Variants in KIAA0319 observed in about 807,000 individuals in gnomAD.
KIAA0319 encodes dyslexia-associated protein KIAA0319.
KIAA0319 carries 83 observed loss-of-function variants against 108.4 expected under a neutral mutation model. That is an observed-to-expected ratio of 0.77 (90% CI 0.64 to 0.92). The LOEUF (loss-of-function observed/expected upper bound fraction) is 0.92. KIAA0319 is among the 40% of genes least tolerant of loss of function. The pLI is 0.00. For synonymous variants in KIAA0319, 484 were observed against 510.4 expected (o/e 0.95, Z 0.70); for missense variants, 1,195 against 1,322.4 (o/e 0.90, Z 1.49).
At chr6:24,570,141 C>G in intron 11 of KIAA0319, 106 bp from the exon 12 acceptor site, 4 of 1,071,014 alleles carry the variant, frequency 3.7e-6, no homozygotes, top group Non-Finnish European at 5.4e-6. Context: ...ACCAGGCAGC[C>G]ACTAGAGTAT....
At chr6:24,607,620 A>C (rs1771617061) in intron 1 of KIAA0319, among the ~76,000 whole-genome samples, 1 of 152,220 alleles carries the variant, frequency 6.6e-6, no homozygotes, top group Non-Finnish European at 1.5e-5. Context: ...TAACTAACAT[A>C]TGCTTCCTTA....
chr6:24,628,258 T>G (rs1410078746), intron 1 of KIAA0319, among the ~76,000 whole-genome samples: 1 of 152,226 alleles, frequency 6.6e-6, no homozygotes, highest in Non-Finnish European at 1.5e-5. Context: ...GGTATTGTAA[T>G]TTTCCCACCT....
Position 24,566,890 on chromosome 6 carries a change from T to G in KIAA0319, c.2141-142A>C, listed in dbSNP as rs73727986. ...TAAAATATCCAAAAAGGCATTTTTTTCCCCAGATGCATATAAGATACAGAC... is the reference window on the plus strand; with the variant it reads ...TAAAATATCCAAAAAGGCATTTTTTGCCCCAGATGCATATAAGATACAGAC... On this transcript the variant is annotated intron_variant, in intron 13 of 20. Transcript: ENST00000378214. 2.1e-5 allele frequency: 14 copies of G among 655,290 alleles called. No homozygotes were observed. In the African/African-American group the frequency reaches 2.4e-4, roughly 11 times the overall value. 40.6% of individuals were successfully genotyped at this position (655,290 alleles called of 1,614,324 possible).
rs369354729 is a variant in KIAA0319 at position 24,578,167 on chromosome 6, G to A, written c.1448C>T (p.Ser483Leu). Residue 483 changes from serine (S) to leucine (L), a missense_variant, in exon 9 of 21, where the codon TCA becomes TTA. Transcript: ENST00000378214. ...INGPFIEEKT[S>L]VDSPVLRLSN... Reference sequence around the variant, plus strand: ...CAAGCGTAAGACGGGAGAGTCAACTGAAGTCTTCTCTTCTATGAAGGGCCC... The same window carrying A: ...CAAGCGTAAGACGGGAGAGTCAACTAAAGTCTTCTCTTCTATGAAGGGCCC... 6.8e-6 allele frequency: 11 copies of A among 1,612,818 alleles called. No individual in the cohort carries two copies. The highest frequency in any genetic ancestry group is 3.3e-4 in the Middle Eastern group (2 of 6,082).
At chr6:24,565,274 T>C (rs1763737490) in intron 14 of KIAA0319, among the ~76,000 whole-genome samples, 1 of 151,296 alleles carries the variant, frequency 6.6e-6, no homozygotes, top group South Asian at 2.1e-4. Flanking sequence ...GTATAAAGCA[T>C]TTTCAGTTCC....
At chr6:24,565,044 G>A (rs1045895132) in intron 14 of KIAA0319, among the ~76,000 whole-genome samples, 1 of 151,744 alleles carries the variant, frequency 6.6e-6, no homozygotes, top group Non-Finnish European at 1.5e-5. Context: ...TCAGGAGATC[G>A]AGAACATCCT....
chr6:24,618,627 C>A (rs796565124), intron 1 of KIAA0319, among the ~76,000 whole-genome samples: 8 of 151,768 alleles, frequency 5.3e-5, no homozygotes, highest in African/African-American at 1.9e-4. Flanking sequence ...CACCCCCAAA[C>A]AACAACAACA....
At chr6:24,576,283 A>T in intron 10 of KIAA0319, 85 bp downstream of exon 10, 1 of 1,021,586 alleles carries the variant, frequency 9.8e-7, no homozygotes, top group Non-Finnish European at 1.5e-6. Context: ...ATCTAAATTT[A>T]ACTGCCTACC....
At chr6:24,600,717 T>C (rs1178502497) in intron 2 of KIAA0319, 3 of 1,468,760 alleles carry the variant, frequency 2.0e-6, no homozygotes, top group Non-Finnish European at 2.8e-6. Flanking sequence ...AAACTGAGTA[T>C]AATGAAAATA....
At chr6:24,630,527 A>G (rs868290602) in intron 1 of KIAA0319, among the ~76,000 whole-genome samples, 44 of 146,890 alleles carry the variant, frequency 3.0e-4, no homozygotes, top group African/African-American at 9.6e-4. Context: ...AAAAAAAAAA[A>G]AAAAGAAAGA....
intron 1 of KIAA0319, among the ~76,000 whole-genome samples, chr6:24,611,838 G>A (rs565315880): frequency 7.8e-4 from 118 of 152,226 alleles, no homozygotes; most frequent in Middle Eastern, 3.4e-3. Context: ...TGGATCACTT[G>A]AGCCTAGCAT....
At chr6:24,600,916 A>G in intron 2 of KIAA0319, 133 bp downstream of exon 2, 7 of 1,216,586 alleles carry the variant, frequency 5.8e-6, no homozygotes, top group East Asian at 2.3e-5. Context: ...TCTGCCTTTC[A>G]TGCTTTCACC....
chr6:24,542,095 T>C (rs1760213105), downstream of KIAA0319, among the ~76,000 whole-genome samples: 1 of 152,172 alleles, frequency 6.6e-6, no homozygotes, highest in Non-Finnish European at 1.5e-5. Flanking sequence ...TAAGCGAGAT[T>C]GCACCACTGC....
intron 2 of KIAA0319, chr6:24,600,624 C>A: frequency 6.6e-7 from 1 of 1,523,482 alleles, no homozygotes; most frequent in Non-Finnish European, 8.8e-7. Context: ...CTCACATGGG[C>A]TCGGCCAGCC....
At chr6:24,548,804 G>T (rs1761009630) in intron 20 of KIAA0319, among the ~76,000 whole-genome samples, 1 of 152,156 alleles carries the variant, frequency 6.6e-6, no homozygotes, top group African/African-American at 2.4e-5. Flanking sequence ...ATGAAGTTTG[G>T]ATTTTATCCT....
chr6:24,557,214 T>C (rs911965020), intron 17 of KIAA0319, among the ~76,000 whole-genome samples: 1 of 147,958 alleles, frequency 6.8e-6, no homozygotes, highest in African/African-American at 2.6e-5. Flanking sequence ...AAAAAAAAAG[T>C]TTACTGGCTG....
chr6:24,573,777 T>TA (rs1298259032), intron 10 of KIAA0319, among the ~76,000 whole-genome samples: 1 of 152,112 alleles, frequency 6.6e-6, no homozygotes, highest in African/African-American at 2.4e-5. Context: ...TTATTATTAT[T>TA]TTTTTTAACC....
intron 7 of KIAA0319, 109 bp from the exon 8 acceptor site, chr6:24,580,059 A>T (rs1218251788): frequency 7.2e-6 from 6 of 831,464 alleles, no homozygotes; most frequent in Non-Finnish European, 9.5e-6. Flanking sequence ...CCTGTCAAGA[A>T]GGTGTTTATC....
At chr6:24,544,044 ACTC>A (rs1331283621), downstream of KIAA0319, 1 of 152,060 alleles carries the variant, frequency 6.6e-6, no homozygotes, top group African/African-American at 2.4e-5. Flanking sequence ...CCCTGTCAAA[ACTC>A]CTCAACTTTG....
Sources: allele counts gnomAD v4.1 joint callset (sites outside exome capture counted in the v4.1 genomes callset), GRCh38; gene constraint gnomAD v4.1.1; transcripts MANE v1.5; gene names NCBI Gene and HGNC (gene_info 2026-07-23, HGNC 2026-07-21).